The following PCDHA7 variants were observed in gnomAD, a reference collection of about 807,000 sequenced individuals.
The protein encoded by PCDHA7 is protocadherin alpha 7.
In PCDHA7, 37 loss-of-function variants were observed where a neutral mutation model predicts 57.2. The observed-to-expected ratio is 0.65, with a 90% CI of 0.50 to 0.85. The LOEUF is 0.85. Ranked by LOEUF, PCDHA7 falls within the 40% of genes least tolerant of loss-of-function variation. The pLI is 0.00. For synonymous variants in PCDHA7, 553 were observed against 558.8 expected (o/e 0.99, Z 0.15); for missense variants, 1,188 against 1,241.8 (o/e 0.96, Z 0.65).
At chr5:140,942,361 G>A (rs1554214935) in intron 1 of PCDHA7, among the ~76,000 whole-genome samples, 1 of 151,920 alleles carries the variant, frequency 6.6e-6, no homozygotes, top group East Asian at 1.9e-4. Context: ...GCAGTTAACG[G>A]AGATTGCACC....
chr5:140,973,362 A>G (rs2096583702), intron 1 of PCDHA7, among the ~76,000 whole-genome samples: 1 of 152,256 alleles, frequency 6.6e-6, no homozygotes, highest in Non-Finnish European at 1.5e-5. Flanking sequence ...ATTTATAAAA[A>G]TTGCACAATG....
chr5:140,928,798 G>A lies in PCDHA7; in HGVS notation c.2356-50151G>A, dbSNP rs1015507486. On this transcript the variant is annotated intron_variant, in intron 1 of 3. Transcript: ENST00000525929. ...TGATGCAGTTAAGCAGAGGGTGGTGGTAGTGGTTCGGGACCATGGAGACCC... is the reference window on the plus strand; with the variant it reads ...TGATGCAGTTAAGCAGAGGGTGGTGATAGTGGTTCGGGACCATGGAGACCC... 2.4e-5 allele frequency: 38 copies of A among 1,614,046 alleles called. No homozygotes were observed. Among genetic ancestry groups the A allele is most frequent in the Non-Finnish European group, 3.2e-5 (38 of 1,180,052 alleles).
rs144585858 is a variant in PCDHA7 at position 140,984,129 on chromosome 5, G to A, written c.2503+1566G>A. On this transcript the variant is annotated intron_variant, in intron 3 of 3. Transcript: ENST00000525929. The stretch of plus-strand genomic sequence containing the variant: ...GGTTTTAGACTGCCAAGTGTTGCAG[G>A]ATGTGGAGGCATCTGGGAAGGTGAG... 1.3e-3 allele frequency among the ~76,000 whole-genome samples: 205 copies of A among 152,236 alleles called. 1 individual carries two copies. Among genetic ancestry groups the A allele is most frequent in the Non-Finnish European group, 2.6e-3 (175 of 68,046 alleles).
intron 1 of PCDHA7, among the ~76,000 whole-genome samples, chr5:140,913,414 CA>C: frequency 6.6e-6 from 1 of 152,102 alleles, no homozygotes; most frequent in African/African-American, 2.4e-5. Context: ...TGAATTCCTG[CA>C]GTATCAGTTG....
rs782034471 is a variant in PCDHA7 at position 141,010,170 on chromosome 5, T to G, written c.*233T>G. ...TCCACTCTGGCTTGTTTTCAGAACCTAAAAAGCAGACCCAAGTTTCCTTTC... is the reference window on the plus strand; with the variant it reads ...TCCACTCTGGCTTGTTTTCAGAACCGAAAAAGCAGACCCAAGTTTCCTTTC... On this transcript the variant is annotated 3_prime_UTR_variant, in exon 4 of 4. Transcript: ENST00000525929. 6.4e-7 allele frequency: 1 copy of G among 1,559,590 alleles called. No individual in the cohort carries two copies.
chr5:140,941,202 C>CTTTCTTTCTTTCTCT (rs1554213921), intron 1 of PCDHA7, among the ~76,000 whole-genome samples: 1 of 122,742 alleles, frequency 8.1e-6, no homozygotes, highest in African/African-American at 3.0e-5. Context: ...TTTCTTTCTT[C>CTTTCTTTCTTTCTCT]CTTTCTTTCT....
At chr5:140,978,520 C>T (rs2096807249) in intron 1 of PCDHA7, among the ~76,000 whole-genome samples, 1 of 152,214 alleles carries the variant, frequency 6.6e-6, no homozygotes, top group Non-Finnish European at 1.5e-5. Flanking sequence ...GCAGTCCAGC[C>T]AGGCCAGCAG....
At chr5:140,837,346 A>G (rs1387832105) in intron 1 of PCDHA7, among the ~76,000 whole-genome samples, 2 of 152,056 alleles carry the variant, frequency 1.3e-5, no homozygotes, top group African/African-American at 2.4e-5. Context: ...AATTTAAAAT[A>G]GTTTAAATGG....
At chr5:140,969,037 C>A (rs1554231375) in intron 1 of PCDHA7, 6 of 1,614,158 alleles carry the variant, frequency 3.7e-6, no homozygotes, top group Non-Finnish European at 5.1e-6. Flanking sequence ...CAGAACTGTA[C>A]AAACAAGCCA....
chr5:140,940,983 C>G lies in PCDHA7; in HGVS notation c.2356-37966C>G, dbSNP rs572659107. On this transcript the variant is annotated intron_variant, in intron 1 of 3. Coordinates refer to ENST00000525929, the MANE Select transcript of PCDHA7 (RefSeq NM_018910.3). ...ATGCAGGATATCTGGTATCTAGTTA[C>G]AAGTTTATAGGATTAAATTTTCCTT... 3.9e-5 allele frequency among the ~76,000 whole-genome samples: 6 copies of G among 152,294 alleles called. No homozygotes were observed. In the South Asian group the frequency reaches 1.0e-3, roughly 26 times the overall value.
At chr5:140,872,058 C>T (rs2053466493) in intron 1 of PCDHA7, among the ~76,000 whole-genome samples, 1 of 152,212 alleles carries the variant, frequency 6.6e-6, no homozygotes, top group African/African-American at 2.4e-5. Flanking sequence ...CTTCAGCCTC[C>T]AGAGTAGCTG....
chr5:140,840,505 T>G (rs1776737088), intron 1 of PCDHA7, among the ~76,000 whole-genome samples: 1 of 152,026 alleles, frequency 6.6e-6, no homozygotes, highest in African/African-American at 2.4e-5. Flanking sequence ...AATACTCACT[T>G]TTTGGAGCAG....
rs73793505 is a variant in PCDHA7, at chr5:140,858,470, T to C, written c.2355+21732T>C. The C allele has an allele frequency of 3.2e-3, 4,807 of 1,519,778 alleles. 358 individuals are homozygous for C. In the African/African-American group the frequency reaches 0.058, roughly 18 times the overall value. 94.1% of individuals were successfully genotyped at this position (1,519,778 alleles called of 1,614,324 possible). A position where few individuals can be genotyped will look rare whatever the true frequency, so the allele number is the denominator to read the frequency against. On this transcript the variant is annotated intron_variant, in intron 1 of 3. Transcript: ENST00000525929. ...TTACGTTTTCATTTTCCTTTTGTGC[T>C]TTATGAATAATATTTTCTCTTACCG...
intron 1 of PCDHA7, chr5:140,864,363 C>G (rs1389030549): frequency 6.6e-6 from 1 of 152,156 alleles, no homozygotes; most frequent in Non-Finnish European, 1.5e-5. Flanking sequence ...GTTTATCTTT[C>G]TATAATCGAT....
intron 1 of PCDHA7, chr5:140,851,186 T>C (rs2041985954): frequency 8.1e-7 from 1 of 1,234,476 alleles, no homozygotes; most frequent in Non-Finnish European, 1.0e-6. Context: ...TGAAAACCAA[T>C]TTAGTTGTTA....
rs71583613 is a variant in PCDHA7 at position 141,001,265 on chromosome 5, T to G, written c.2504-8362T>G. 5.1e-4 allele frequency among the ~76,000 whole-genome samples: 78 copies of G among 152,286 alleles called. No individual in the cohort carries two copies. In the Middle Eastern group the frequency reaches 0.01, roughly 20 times the overall value. On this transcript the variant is annotated intron_variant, in intron 3 of 3. Transcript: ENST00000525929. ...CAACCCTATGGGGCGGGCACTCTTATGAACTTTTTTTACGGATGAAAACTG... is the reference window on the plus strand; with the variant it reads ...CAACCCTATGGGGCGGGCACTCTTAGGAACTTTTTTTACGGATGAAAACTG...
intron 1 of PCDHA7, chr5:140,926,324 G>A (rs574950381): frequency 6.6e-6 from 1 of 152,268 alleles, no homozygotes; most frequent in Non-Finnish European, 1.5e-5. Flanking sequence ...GTGCGCCGGG[G>A]TCAGAGCGCC....
intron 1 of PCDHA7, chr5:140,882,890 C>T (rs2059348397): frequency 6.2e-7 from 1 of 1,614,060 alleles, no homozygotes; most frequent in East Asian, 2.2e-5. Flanking sequence ...AATTCAGGAA[C>T]ATAGTTTATT....
At chr5:140,836,903 T>C in intron 1 of PCDHA7, 165 bp downstream of exon 1, 1 of 590,556 alleles carries the variant, frequency 1.7e-6, no homozygotes, top group Non-Finnish European at 2.8e-6. Flanking sequence ...GTACGTTTAA[T>C]ATACACTTTT....
Sources: allele counts gnomAD v4.1 joint callset (sites outside exome capture counted in the v4.1 genomes callset), GRCh38; gene constraint gnomAD v4.1.1; transcripts MANE v1.5; gene names NCBI Gene and HGNC (gene_info 2026-07-23, HGNC 2026-07-21).